The following CACNA2D3 variants were observed in gnomAD, a reference collection of about 807,000 sequenced individuals.
The protein encoded by CACNA2D3 is calcium voltage-gated channel auxiliary subunit alpha2delta 3.
Under a neutral mutation model 160.6 loss-of-function variants are expected in CACNA2D3, and 60 were observed. The observed-to-expected ratio is 0.37, with a 90% CI of 0.30 to 0.46. The LOEUF (loss-of-function observed/expected upper bound fraction) is 0.46, where lower values mean the gene tolerates loss of function less well. Ranked by LOEUF, CACNA2D3 falls within the 20% of genes least tolerant of loss-of-function variation. The probability of loss-of-function intolerance (pLI) is 1.00; values close to 1 mark genes in which losing one functional copy is unlikely to be tolerated. For synonymous variants in CACNA2D3, 558 were observed against 492.9 expected (o/e 1.13, Z -1.75); for missense variants, 1,205 against 1,365.0 (o/e 0.88, Z 1.85).
Position 54,833,575 on chromosome 3 carries a change from T to G in CACNA2D3, c.1399-3584T>G, listed in dbSNP as rs149534993. Among the ~76,000 whole-genome samples the G allele has an allele frequency of 3.8e-4, 58 of 151,822 alleles. No individual in the cohort carries two copies. In the East Asian group the frequency reaches 0.01, roughly 27 times the overall value. On this transcript the variant is annotated intron_variant, in intron 14 of 37. Coordinates refer to ENST00000474759, the MANE Select transcript of CACNA2D3 (RefSeq NM_018398.3). ...TGGCCATAGTTGGCTGCATAACTTC[T>G]GCTTGGTGGTCTGGGAAAAAAAAAA...
chr3:54,130,165 G>A (rs969282407), intron 2 of CACNA2D3, among the ~76,000 whole-genome samples: 3 of 152,180 alleles, frequency 2.0e-5, no homozygotes, highest in Admixed American at 6.5e-5. Context: ...GACCAACTGC[G>A]GGGCCCTGGC....
chr3:54,832,254 C>A (rs1453431475), intron 14 of CACNA2D3, among the ~76,000 whole-genome samples: 2 of 152,182 alleles, frequency 1.3e-5, no homozygotes, highest in Admixed American at 6.5e-5. Flanking sequence ...AATAAACTTA[C>A]CAGTGCAGCT....
chr3:54,560,016 T>C (rs909470753), intron 5 of CACNA2D3, among the ~76,000 whole-genome samples: 3 of 152,256 alleles, frequency 2.0e-5, no homozygotes, highest in Admixed American at 6.5e-5. Context: ...TCCATGTCTT[T>C]ACTGTTGTGA....
rs780406302 is a variant in CACNA2D3, at chr3:54,503,551, G to A, written c.441G>A (p.Glu147=). ...NERDKDGNFL[E]LGKEFILAPN... ...GGGACAAAGACGGGAATTTTTTGGA[G>A]CTGGGAAAGGAATTCATCTTAGCCC... The change falls in exon 5 of 38, where the codon GAG becomes GAA. Residue 147 remains glutamate (E), a synonymous_variant. Transcript: ENST00000474759. 23 of 1,613,686 alleles carry A rather than the reference G, an allele frequency of 1.4e-5. No homozygotes were observed. In the East Asian group the frequency reaches 5.1e-4, roughly 36 times the overall value.
At chr3:55,042,844 C>G (rs754324979) in intron 35 of CACNA2D3, among the ~76,000 whole-genome samples, 2 of 152,052 alleles carry the variant, frequency 1.3e-5, no homozygotes, top group African/African-American at 2.4e-5. Context: ...TTTTTGTGAC[C>G]CTACAATTTG....
chr3:54,240,674 T>C (rs763324046), intron 2 of CACNA2D3, among the ~76,000 whole-genome samples: 7 of 152,240 alleles, frequency 4.6e-5, no homozygotes, highest in African/African-American at 7.2e-5. Context: ...TCTTCTCATC[T>C]GCTGGTTTTG....
chr3:54,562,661 T>C (rs1702345322), intron 5 of CACNA2D3, 139 bp from the exon 6 acceptor site: 1 of 666,342 alleles, frequency 1.5e-6, no homozygotes, highest in African/African-American at 1.8e-5. Context: ...CTAAACGTTT[T>C]TGTGGCTATA....
At chr3:54,861,065 C>G (rs1699281347) in intron 17 of CACNA2D3, among the ~76,000 whole-genome samples, 2 of 152,052 alleles carry the variant, frequency 1.3e-5, no homozygotes, top group African/African-American at 4.8e-5. Flanking sequence ...GGCATGTGGT[C>G]CGGTGGTGAA....
At chr3:54,466,645 C>G (rs1323219628) in intron 4 of CACNA2D3, among the ~76,000 whole-genome samples, 2 of 152,060 alleles carry the variant, frequency 1.3e-5, no homozygotes, top group Non-Finnish European at 2.9e-5. Context: ...TGGACTTAAA[C>G]ATGTGGAAAA....
intron 4 of CACNA2D3, among the ~76,000 whole-genome samples, chr3:54,482,136 A>G (rs987892649): frequency 6.6e-6 from 1 of 152,232 alleles, no homozygotes; most frequent in African/African-American, 2.4e-5. Context: ...TAATTGAAGC[A>G]GAATTGAGAT....
intron 12 of CACNA2D3, among the ~76,000 whole-genome samples, chr3:54,756,973 T>A (rs773819358): frequency 3.9e-5 from 6 of 152,136 alleles, no homozygotes; most frequent in Non-Finnish European, 8.8e-5. Context: ...GCAAGCCATT[T>A]TACATACATT....
At chr3:54,765,807 A>G (rs1279242062) in intron 13 of CACNA2D3, among the ~76,000 whole-genome samples, 1 of 152,194 alleles carries the variant, frequency 6.6e-6, no homozygotes, top group Non-Finnish European at 1.5e-5. Context: ...AGGTCCAAAA[A>G]ATCAACTACA....
intron 2 of CACNA2D3, among the ~76,000 whole-genome samples, chr3:54,189,669 G>T (rs892118668): frequency 1.3e-5 from 2 of 152,150 alleles, no homozygotes; most frequent in Non-Finnish European, 2.9e-5. Context: ...GGAGGAAGTT[G>T]TCTGGAGTTC....
At chr3:54,361,732 G>T (rs908836195) in intron 3 of CACNA2D3, among the ~76,000 whole-genome samples, 18 of 152,146 alleles carry the variant, frequency 1.2e-4, no homozygotes, top group African/African-American at 4.3e-4. Context: ...TTTTTGTCTG[G>T]TATAATGGGA....
intron 2 of CACNA2D3, among the ~76,000 whole-genome samples, chr3:54,168,990 G>T (rs1436138624): frequency 6.6e-6 from 1 of 152,130 alleles, no homozygotes; most frequent in African/African-American, 2.4e-5. Flanking sequence ...GTATTGTATG[G>T]TGCTCAAAAC....
At chr3:54,587,604 A>C (rs1199721510) in intron 9 of CACNA2D3, among the ~76,000 whole-genome samples, 1 of 152,072 alleles carries the variant, frequency 6.6e-6, no homozygotes, top group African/African-American at 2.4e-5. Context: ...GAGAAGACAA[A>C]TCAGCAATAT....
intron 2 of CACNA2D3, among the ~76,000 whole-genome samples, chr3:54,175,369 C>T (rs754568045): frequency 9.2e-5 from 14 of 151,944 alleles, no homozygotes; most frequent in Non-Finnish European, 1.8e-4. Context: ...GTAATCCCCG[C>T]GCTTTGGGAG....
intron 11 of CACNA2D3, among the ~76,000 whole-genome samples, chr3:54,743,850 G>A (rs1332043358): frequency 6.6e-6 from 1 of 152,204 alleles, no homozygotes; most frequent in Non-Finnish European, 1.5e-5. Flanking sequence ...CTGAAGCTTG[G>A]AGACAGGTTT....
chr3:54,130,725 AC>A (rs1699689544), intron 2 of CACNA2D3, among the ~76,000 whole-genome samples: 1 of 152,150 alleles, frequency 6.6e-6, no homozygotes, highest in Non-Finnish European at 1.5e-5. Flanking sequence ...ATCCTTTCTG[AC>A]CTTAGTTCCT....
Sources: allele counts gnomAD v4.1 joint callset (sites outside exome capture counted in the v4.1 genomes callset), GRCh38; gene constraint gnomAD v4.1.1; transcripts MANE v1.5; gene names NCBI Gene and HGNC (gene_info 2026-07-23, HGNC 2026-07-21).